PIGN: variants seen among roughly 807,000 people sequenced by gnomAD.
PIGN encodes GPI ethanolamine phosphate transferase 1.
PIGN carries 117 observed loss-of-function variants against 125.4 expected under a neutral mutation model. The ratio of observed to expected loss-of-function variants is 0.93; its 90% confidence interval spans 0.80 to 1.09. The LOEUF (loss-of-function observed/expected upper bound fraction) is 1.09, where lower values mean the gene tolerates loss of function less well. Among genes scored for constraint, PIGN ranks in the 50% least tolerant of loss-of-function variants. The pLI, the probability that PIGN is intolerant of heterozygous loss-of-function variation, is 0.00. For synonymous variants in PIGN, 392 were observed against 377.8 expected (o/e 1.04, Z -0.44); for missense variants, 1,075 against 1,094.9 (o/e 0.98, Z 0.26).
Position 62,140,314 on chromosome 18 carries a change from T to TA in PIGN, c.1023+105dup, listed in dbSNP as rs55951317. The TA allele has an allele frequency of 0.25, 112,210 of 453,718 alleles. 7,610 individuals carry two copies. Among genetic ancestry groups the TA allele is most frequent in the Middle Eastern group, 0.29 (437 of 1,508 alleles). The allele number at this position is 453,718 out of a possible 1,614,324, so 28.1% of individuals were successfully genotyped here. A position where few individuals can be genotyped will look rare whatever the true frequency, so the allele number is the denominator to read the frequency against. ...CTGGGCAACATAGCAAGACCCCATC[T>TA]AAAAAAAAAACCCAGATTATTCAGA... On this transcript the variant is annotated intron_variant, in intron 12 of 30. Transcript: ENST00000640252.
At chr18:62,061,698 G>A (rs142039740) in intron 30 of PIGN, among the ~76,000 whole-genome samples, 10 of 152,192 alleles carry the variant, frequency 6.6e-5, no homozygotes, top group Admixed American at 3.3e-4. Context: ...CAATAACCCC[G>A]GCACCTGTGA....
intron 30 of PIGN, among the ~76,000 whole-genome samples, chr18:62,065,062 C>T (rs532354261): frequency 6.6e-6 from 1 of 152,292 alleles, no homozygotes; most frequent in Non-Finnish European, 1.5e-5. Context: ...AAGGCTGATA[C>T]TGATGCAGGA....
In PIGN at chr18:62,106,918, G is replaced by T. The variant is rs372800029; in HGVS notation, c.1675-37C>A. ...TTCCAAAGAAGGAATGAAAAATAAGGTCATTTAATACTAGTTACAAATATA... is the reference window on the plus strand; with the variant it reads ...TTCCAAAGAAGGAATGAAAAATAAGTTCATTTAATACTAGTTACAAATATA... On this transcript the variant is annotated intron_variant, in intron 18 of 30. Transcript: ENST00000640252. 31 of 1,556,028 alleles carry T rather than the reference G, an allele frequency of 2.0e-5. No homozygotes were observed. In the African/African-American group the frequency reaches 2.6e-4, roughly 13 times the overall value.
intron 30 of PIGN, among the ~76,000 whole-genome samples, chr18:62,056,395 G>C (rs1210238999): frequency 6.6e-6 from 1 of 151,920 alleles, no homozygotes; most frequent in Non-Finnish European, 1.5e-5. Context: ...GTTCTCATCA[G>C]TGTCTCAATC....
chr18:62,080,710 T>C (rs1366256234), intron 28 of PIGN, among the ~76,000 whole-genome samples: 1 of 152,168 alleles, frequency 6.6e-6, no homozygotes, highest in Admixed American at 6.5e-5. Flanking sequence ...TCTACCATTC[T>C]TAGGAATGCA....
chr18:62,162,123 G>T (rs2036975441), intron 3 of PIGN, 130 bp downstream of exon 3: 1 of 152,186 alleles, frequency 6.6e-6, no homozygotes, highest in Admixed American at 6.5e-5. Context: ...ATGCATAACT[G>T]GGTGCTGGGG....
chr18:62,059,175 A>G (rs2031951343), intron 30 of PIGN: 1 of 123,474 alleles, frequency 8.1e-6, no homozygotes, highest in Non-Finnish European at 1.5e-5. Context: ...CTGTCTCAAA[A>G]AAAAAAAAAA....
rs760418628 is a variant in PIGN, at chr18:62,109,945, A to G, written c.1463T>C (p.Phe488Ser). The change falls in exon 17 of 31, where the codon TTT becomes TCT. Residue 488 changes from phenylalanine (F) to serine (S), a missense_variant. By Grantham distance (155) the Phe-to-Ser change is radical. This residue lies in a region of PIGN where 915 missense variants were observed against 908.7 expected (regional missense o/e 1.01). Transcript: ENST00000640252. ...KKPSHLLPCS[F>S]VAIGILVAFF... Reference sequence around the variant, plus strand: ...TGCTACTAAAATGCCAATAGCTACAAAACTACAAGGCAGGAGATGGCTTGG... The same window carrying G: ...TGCTACTAAAATGCCAATAGCTACAGAACTACAAGGCAGGAGATGGCTTGG... 1 of 1,613,524 alleles carries G rather than the reference A, an allele frequency of 6.2e-7. No homozygotes were observed. Among genetic ancestry groups the G allele is most frequent in the South Asian group, 1.1e-5 (1 of 91,076 alleles).
At chr18:62,140,254 G>T (rs1244132183) in intron 12 of PIGN, among the ~76,000 whole-genome samples, 166 bp downstream of exon 12, 2 of 151,994 alleles carry the variant, frequency 1.3e-5, no homozygotes, top group African/African-American at 4.8e-5. Flanking sequence ...GGCTGAGATG[G>T]GAGGACTGCT....
At chr18:62,073,170 GGTGTGTGTGTGT>G (rs34182707) in intron 29 of PIGN, among the ~76,000 whole-genome samples, 16 of 145,486 alleles carry the variant, frequency 1.1e-4, no homozygotes, top group South Asian at 4.4e-4. Flanking sequence ...AATTATCAGG[GGTGTGTGTGTGT>G]GTGTGTGTGT....
At chr18:62,031,351 G>C (rs1773553709) in intron 23 of PIGN, among the ~76,000 whole-genome samples, 1 of 152,180 alleles carries the variant, frequency 6.6e-6, no homozygotes, top group Admixed American at 6.5e-5. Flanking sequence ...AGCAGCATGA[G>C]AACAGACTAA....
intron 30 of PIGN, among the ~76,000 whole-genome samples, chr18:62,049,462 A>C (rs1377472452): frequency 1.3e-5 from 2 of 151,854 alleles, no homozygotes; most frequent in East Asian, 3.9e-4. Context: ...AGTGATGGTG[A>C]GCATTTTTTC....
intron 14 of PIGN, among the ~76,000 whole-genome samples, chr18:62,115,042 T>C (rs1271538956): frequency 6.6e-6 from 1 of 152,222 alleles, no homozygotes; most frequent in Non-Finnish European, 1.5e-5. Flanking sequence ...CCATCAATGT[T>C]CTTTTTATCC....
At position 62,140,334 on chromosome 18, in the gene PIGN, T is replaced by C; in HGVS notation, c.1023+86A>G. On this transcript the variant is annotated intron_variant, in intron 12 of 30. Transcript: ENST00000640252. ...CCATCTAAAAAAAAAACCCAGATTATTCAGAAACACATAAAAAAGAGTACA... is the reference window on the plus strand; with the variant it reads ...CCATCTAAAAAAAAAACCCAGATTACTCAGAAACACATAAAAAAGAGTACA... The C allele has an allele frequency of 4.8e-6, 3 of 624,902 alleles. No homozygotes were observed. The South Asian group carries it at 6.4e-5, about 13-fold the overall frequency. 38.7% of individuals were successfully genotyped at this position (624,902 alleles called of 1,614,324 possible).
chr18:62,132,668 C>A lies in PIGN; in HGVS notation c.1172+5575G>T, dbSNP rs539976021. On this transcript the variant is annotated intron_variant, in intron 14 of 30. Coordinates refer to ENST00000640252, the MANE Select transcript of PIGN (RefSeq NM_176787.5). ...ATAAGCTTGGGCAACATAGGGAGAT[C>A]CCATCTCTATTAAAAAAAAATGATA... 1.7e-4 allele frequency among the ~76,000 whole-genome samples: 26 copies of A among 151,958 alleles called. No individual in the cohort carries two copies. The East Asian group carries it at 2.3e-3, about 14-fold the overall frequency.
At chr18:62,050,202 T>G (rs964220646) in intron 30 of PIGN, among the ~76,000 whole-genome samples, 1 of 152,224 alleles carries the variant, frequency 6.6e-6, no homozygotes, top group Admixed American at 6.5e-5. Flanking sequence ...TGGTTCCATA[T>G]GAACTTTAAA....
intron 27 of PIGN, among the ~76,000 whole-genome samples, chr18:62,083,951 G>A (rs2033569657): frequency 6.6e-6 from 1 of 152,054 alleles, no homozygotes; most frequent in Non-Finnish European, 1.5e-5. Context: ...TATATACTAA[G>A]TAAAATGTGT....
chr18:62,026,876 G>C (rs556485707), intron 23 of PIGN, among the ~76,000 whole-genome samples: 1 of 152,320 alleles, frequency 6.6e-6, no homozygotes, highest in East Asian at 1.9e-4. Flanking sequence ...GCCTGAGAAG[G>C]ATGTTTCCTT....
chr18:62,105,512 A>G, intron 20 of PIGN, 31 bp downstream of exon 20: 1 of 1,265,254 alleles, frequency 7.9e-7, no homozygotes, highest in Non-Finnish European at 1.1e-6. Flanking sequence ...AAGTGTATTG[A>G]AAATAGAATA....
Sources: gnomAD v4.1 joint callset for allele counts (sites outside exome capture counted in the v4.1 genomes callset) on GRCh38, gnomAD v4.1.1 for gene constraint, gnomAD v4.1.1 regional missense constraint, MANE v1.5 for transcripts, NCBI Gene and HGNC (gene_info 2026-07-23, HGNC 2026-07-21) for gene names.